Variants in EPB41L5 observed in about 807,000 individuals in gnomAD.
EPB41L5 encodes the protein band 4.1-like protein 5.
EPB41L5 carries 55 observed loss-of-function variants against 106.6 expected under a neutral mutation model. That is an observed-to-expected ratio of 0.52 (90% CI 0.42 to 0.65). The LOEUF is 0.65. Ranked by LOEUF, EPB41L5 falls within the 30% of genes least tolerant of loss-of-function variation. The pLI, the probability that EPB41L5 is intolerant of heterozygous loss-of-function variation, is 0.00. For synonymous variants in EPB41L5, 297 were observed against 306.7 expected (o/e 0.97, Z 0.33); for missense variants, 871 against 882.1 (o/e 0.99, Z 0.16).
chr2:120,068,942 A>C (rs975914496), intron 3 of EPB41L5, among the ~76,000 whole-genome samples: 22 of 151,952 alleles, frequency 1.4e-4, no homozygotes, highest in African/African-American at 4.8e-4. Context: ...AGCCTGACCA[A>C]CATGGAGTAA....
At chr2:120,049,528 C>T (rs7597762) in intron 3 of EPB41L5, among the ~76,000 whole-genome samples, 1 of 152,174 alleles carries the variant, frequency 6.6e-6, no homozygotes, top group East Asian at 1.9e-4. Flanking sequence ...AGATCTTCCT[C>T]CATCCCTTTA....
intron 13 of EPB41L5, 68 bp downstream of exon 13, chr2:120,091,729 C>T (rs1683425595): frequency 1.6e-6 from 2 of 1,269,584 alleles, no homozygotes; most frequent in African/African-American, 3.0e-5. Flanking sequence ...GTGTTGTTTC[C>T]ATAAGAGGAA....
intron 2 of EPB41L5, among the ~76,000 whole-genome samples, chr2:120,019,470 TAG>T (rs1165119796): frequency 6.6e-6 from 1 of 152,182 alleles, no homozygotes; most frequent in Admixed American, 6.5e-5. Flanking sequence ...TCTTTGGAAT[TAG>T]TGGCGATTAC....
chr2:120,165,152 T>G (rs1687335073), intron 22 of EPB41L5, among the ~76,000 whole-genome samples: 1 of 152,230 alleles, frequency 6.6e-6, no homozygotes, highest in African/African-American at 2.4e-5. Context: ...TCATATTAAA[T>G]GAGAGAAAAC....
intron 16 of EPB41L5, among the ~76,000 whole-genome samples, chr2:120,117,211 T>TC (rs1684986473): frequency 6.6e-6 from 1 of 152,150 alleles, no homozygotes; most frequent in African/African-American, 2.4e-5. Context: ...TTCATTGCCT[T>TC]CCCCAATGCC....
intron 10 of EPB41L5, among the ~76,000 whole-genome samples, chr2:120,081,128 C>A (rs948590148): frequency 6.6e-6 from 1 of 152,122 alleles, no homozygotes; most frequent in Admixed American, 6.6e-5. Context: ...TCCCATTTGT[C>A]AATTTTGGCT....
At chr2:120,069,096 C>T (rs1681666350) in intron 3 of EPB41L5, among the ~76,000 whole-genome samples, 1 of 139,974 alleles carries the variant, frequency 7.1e-6, no homozygotes. Context: ...CCATTGCACT[C>T]CAGCCTGGGC....
intron 16 of EPB41L5, among the ~76,000 whole-genome samples, chr2:120,103,477 C>G (rs576397693): frequency 1.3e-5 from 2 of 152,048 alleles, no homozygotes; most frequent in Non-Finnish European, 2.9e-5. Flanking sequence ...ATATAAGGAG[C>G]GATGATTCTC....
chr2:120,097,811 G>T (rs571620386), intron 14 of EPB41L5, among the ~76,000 whole-genome samples: 1 of 152,192 alleles, frequency 6.6e-6, no homozygotes, highest in Non-Finnish European at 1.5e-5. Flanking sequence ...GGAAGTGAAA[G>T]AATGTATATA....
rs575004242 is a variant in EPB41L5, at chr2:120,152,747, A to G, written c.1793+6458A>G. On this transcript the variant is annotated intron_variant, in intron 20 of 24. Coordinates refer to ENST00000263713, the MANE Select transcript of EPB41L5 (RefSeq NM_020909.4). ...ATGGTCCTGGGCTTTTCTTTGTTGG[A>G]AAGTTTTTGATTACTGATTCAATCT... is the stretch of plus-strand genomic sequence containing the variant. Among the ~76,000 whole-genome samples the G allele has an allele frequency of 2.0e-3, 303 of 152,284 alleles. 5 individuals are homozygous for G. In the South Asian group the frequency reaches 0.026, roughly 13 times the overall value.
intron 3 of EPB41L5, among the ~76,000 whole-genome samples, chr2:120,059,704 A>G (rs905542067): frequency 3.3e-5 from 5 of 152,096 alleles, no homozygotes; most frequent in Admixed American, 3.3e-4. Flanking sequence ...GGAGTTCAAG[A>G]CTAGCCTGGA....
In EPB41L5 at chr2:120,042,085, G is replaced by GT; in HGVS notation, c.260_261insT (p.Arg87SerfsTer35). On this transcript the variant is annotated frameshift_variant, in exon 3 of 25. Transcript: ENST00000263713. LOFTEE classifies it high-confidence loss of function. ...ATTGAAAGCGACTATTTTGGTCTGA[G>GT]ATTTATGGATTCAGCACAAGTAGCA... The GT allele has an allele frequency of 6.2e-7, 1 of 1,613,496 alleles. No homozygotes were observed. Among genetic ancestry groups the GT allele is most frequent in the South Asian group, 1.1e-5 (1 of 91,030 alleles).
chr2:120,048,231 A>G (rs959835439), intron 3 of EPB41L5, among the ~76,000 whole-genome samples: 8 of 152,194 alleles, frequency 5.3e-5, no homozygotes, highest in Admixed American at 5.2e-4. Context: ...TTCAGAGAGA[A>G]TGGTACCAGC....
chr2:120,052,167 C>A (rs563929859), intron 3 of EPB41L5, among the ~76,000 whole-genome samples: 2 of 152,268 alleles, frequency 1.3e-5, no homozygotes, highest in Admixed American at 6.5e-5. Flanking sequence ...TTGCCTTTAA[C>A]CTGGAGTACT....
At chr2:120,079,275 G>A (rs960207075) in intron 10 of EPB41L5, among the ~76,000 whole-genome samples, 16 of 152,094 alleles carry the variant, frequency 1.1e-4, no homozygotes, top group African/African-American at 3.6e-4. Flanking sequence ...AGCCCACTAC[G>A]TATATTTTTA....
intron 3 of EPB41L5, among the ~76,000 whole-genome samples, chr2:120,052,780 C>A (rs974340346): frequency 1.3e-5 from 2 of 152,184 alleles, no homozygotes; most frequent in Non-Finnish European, 2.9e-5. Flanking sequence ...AGTCTTGTGA[C>A]CAGATTTAGG....
intron 2 of EPB41L5, among the ~76,000 whole-genome samples, chr2:120,035,135 C>G (rs1325921189): frequency 6.6e-6 from 1 of 152,082 alleles, no homozygotes; most frequent in Non-Finnish European, 1.5e-5. Flanking sequence ...TTTTTCAAAT[C>G]TCCCTTATTA....
At chr2:120,085,462 C>G (rs945232148) in intron 10 of EPB41L5, among the ~76,000 whole-genome samples, 2 of 152,128 alleles carry the variant, frequency 1.3e-5, no homozygotes, top group Non-Finnish European at 2.9e-5. Flanking sequence ...CTGATTGTTC[C>G]TCTTGAAGCT....
chr2:120,018,559 A>G (rs1053660877), intron 1 of EPB41L5, among the ~76,000 whole-genome samples: 11 of 152,154 alleles, frequency 7.2e-5, no homozygotes, highest in South Asian at 2.1e-4. Flanking sequence ...TATATTTATC[A>G]TTTATAATAT....
Sources: gnomAD v4.1 joint callset for allele counts (sites outside exome capture counted in the v4.1 genomes callset) on GRCh38, gnomAD v4.1.1 for gene constraint, MANE v1.5 for transcripts, NCBI Gene and HGNC (gene_info 2026-07-23, HGNC 2026-07-21) for gene names.